NLGN1: variants seen among roughly 807,000 people sequenced by gnomAD.
NLGN1 encodes neuroligin-1.
Under a neutral mutation model 65.5 loss-of-function variants are expected in NLGN1, and 12 were observed. That is an observed-to-expected ratio of 0.18 (90% CI 0.12 to 0.30). The LOEUF (loss-of-function observed/expected upper bound fraction) is 0.30. Among genes scored for constraint, NLGN1 ranks in the 10% least tolerant of loss-of-function variants. NLGN1 has a pLI of 1.00. For synonymous variants in NLGN1, 350 were observed against 359.5 expected (o/e 0.97, Z 0.30); for missense variants, 750 against 1,007.1 (o/e 0.74, Z 3.46).
rs144270346 is a variant in NLGN1 at position 173,639,869 on chromosome 3, C to T, written c.493+34778C>T. Among the ~76,000 whole-genome samples the T allele has an allele frequency of 5.5e-4, 83 of 152,232 alleles. 1 individual carries two copies. Among genetic ancestry groups the T allele is most frequent in the African/African-American group, 2.0e-3 (82 of 41,548 alleles). The stretch of plus-strand genomic sequence containing the variant: ...TTTGTGGAGTCTTCTTCCTTCCTTT[C>T]TTTCTTCTCTTTTTTCCTCCTTCTC... On this transcript the variant is annotated intron_variant, in intron 3 of 6. Coordinates refer to ENST00000457714, the Ensembl canonical transcript of NLGN1.
At chr3:174,045,266 G>A (rs998392698) in intron 4 of NLGN1, among the ~76,000 whole-genome samples, 1 of 152,086 alleles carries the variant, frequency 6.6e-6, no homozygotes, top group Non-Finnish European at 1.5e-5. Context: ...CCACAGGGAT[G>A]GAAGGAAGAA....
At chr3:173,849,895 C>T (rs1286699966) in intron 4 of NLGN1, among the ~76,000 whole-genome samples, 1 of 151,994 alleles carries the variant, frequency 6.6e-6, no homozygotes, top group African/African-American at 2.4e-5. Context: ...TTCATTGATA[C>T]CACTGTGAGC....
At chr3:174,057,409 T>A (rs1177916876) in intron 4 of NLGN1, among the ~76,000 whole-genome samples, 2 of 152,068 alleles carry the variant, frequency 1.3e-5, no homozygotes. Context: ...ATAGTAGCAG[T>A]ATGACCTTAG....
In NLGN1 at chr3:173,472,180, A is replaced by C. The variant is rs1725423935; in HGVS notation, c.-321+37102A>C. Among the ~76,000 whole-genome samples, 3 of 152,274 alleles carry C rather than the reference A, an allele frequency of 2.0e-5. No homozygotes were observed. In the South Asian group the frequency reaches 6.2e-4, roughly 32 times the overall value. On this transcript the variant is annotated intron_variant, in intron 2 of 6. Coordinates refer to ENST00000457714, the Ensembl canonical transcript of NLGN1. Reference sequence around the variant, plus strand: ...ACAGAAATAGGATGCTGATTACATTAAAGTAAGAAATTTGAAAATACCTAG... The same window carrying C: ...ACAGAAATAGGATGCTGATTACATTCAAGTAAGAAATTTGAAAATACCTAG...
intron 2 of NLGN1, among the ~76,000 whole-genome samples, chr3:173,543,495 T>C (rs975980420): frequency 2.0e-5 from 3 of 152,106 alleles, no homozygotes; most frequent in African/African-American, 7.2e-5. Context: ...TCTTGAGTAA[T>C]TGTCTTGAGG....
chr3:173,659,964 C>G (rs1211127905), intron 3 of NLGN1, among the ~76,000 whole-genome samples: 1 of 151,934 alleles, frequency 6.6e-6, no homozygotes, highest in Non-Finnish European at 1.5e-5. Context: ...GTGTTTTATT[C>G]TGAATTTACA....
chr3:173,592,439 G>A (rs918684654), intron 2 of NLGN1, among the ~76,000 whole-genome samples: 1 of 151,990 alleles, frequency 6.6e-6, no homozygotes, highest in Admixed American at 6.5e-5. Flanking sequence ...GAATCTTATT[G>A]TATTTTCTTT....
At chr3:174,244,138 T>C (rs192749415) in intron 4 of NLGN1, among the ~76,000 whole-genome samples, 1 of 152,350 alleles carries the variant, frequency 6.6e-6, no homozygotes, top group African/African-American at 2.4e-5. Context: ...TGCTTTTTAA[T>C]TCAGCTAATG....
At chr3:174,090,737 A>ATTT (rs59855485) in intron 4 of NLGN1, among the ~76,000 whole-genome samples, 59 of 147,000 alleles carry the variant, frequency 4.0e-4, no homozygotes, top group East Asian at 6.0e-4. Context: ...GAAAACAATG[A>ATTT]TTTTTTTTTT....
chr3:173,950,240 A>T (rs1054297815), intron 4 of NLGN1, among the ~76,000 whole-genome samples: 45 of 152,314 alleles, frequency 3.0e-4, no homozygotes, highest in African/African-American at 1.0e-3. Flanking sequence ...ACTTTCATTC[A>T]GCCAAGTTTG....
chr3:173,826,090 T>G, intron 4 of NLGN1, among the ~76,000 whole-genome samples: 1 of 152,048 alleles, frequency 6.6e-6, no homozygotes, highest in Non-Finnish European at 1.5e-5. Flanking sequence ...TAGGAGGATG[T>G]TTCTCTGTCA....
chr3:173,609,783 T>G (rs1261839863), intron 3 of NLGN1, among the ~76,000 whole-genome samples: 1 of 151,804 alleles, frequency 6.6e-6, no homozygotes, highest in Non-Finnish European at 1.5e-5. Flanking sequence ...CAATAAAAAC[T>G]AAATTAAAAA....
At chr3:173,817,241 A>G (rs1357203639) in intron 4 of NLGN1, among the ~76,000 whole-genome samples, 1 of 152,244 alleles carries the variant, frequency 6.6e-6, no homozygotes, top group African/African-American at 2.4e-5. Context: ...GGTTAAAAAC[A>G]TAGGCAGCAG....
At chr3:174,076,197 C>T (rs1441596936) in intron 4 of NLGN1, among the ~76,000 whole-genome samples, 2 of 151,862 alleles carry the variant, frequency 1.3e-5, no homozygotes, top group Non-Finnish European at 2.9e-5. Flanking sequence ...AGAAGTGATA[C>T]AGGCAATAAC....
intron 4 of NLGN1, among the ~76,000 whole-genome samples, chr3:173,997,130 T>C (rs1425233878): frequency 6.6e-6 from 1 of 152,140 alleles, no homozygotes; most frequent in Non-Finnish European, 1.5e-5. Context: ...ATATAGGTCA[T>C]GGTCATAAAA....
chr3:173,453,223 G>T (rs1456581832), intron 2 of NLGN1, among the ~76,000 whole-genome samples: 4 of 151,794 alleles, frequency 2.6e-5, no homozygotes, highest in African/African-American at 7.3e-5. Context: ...AAGTAGCTGG[G>T]ACTACAGGTG....
At chr3:174,148,018 CAGA>C (rs780355396) in intron 4 of NLGN1, among the ~76,000 whole-genome samples, 60 of 152,248 alleles carry the variant, frequency 3.9e-4, no homozygotes, top group Non-Finnish European at 2.5e-4. Context: ...GTGCATTTTG[CAGA>C]AGAACACTTC....
At chr3:174,133,411 C>T (rs1270899597) in intron 4 of NLGN1, among the ~76,000 whole-genome samples, 1 of 152,164 alleles carries the variant, frequency 6.6e-6, no homozygotes, top group African/African-American at 2.4e-5. Context: ...ATCCATTCCT[C>T]TTTTTCCCAA....
chr3:173,590,813 A>C (rs1469961523), intron 2 of NLGN1, among the ~76,000 whole-genome samples: 1 of 152,168 alleles, frequency 6.6e-6, no homozygotes, highest in East Asian at 1.9e-4. Flanking sequence ...AATTAGAGAC[A>C]AATAGTAACT....
Sources: allele counts gnomAD v4.1 joint callset (sites outside exome capture counted in the v4.1 genomes callset), GRCh38; gene constraint gnomAD v4.1.1; transcripts MANE v1.5; gene names NCBI Gene and HGNC (gene_info 2026-07-23, HGNC 2026-07-21).